Variants in PAXBP1 observed in about 807,000 individuals in gnomAD.
The protein encoded by PAXBP1 is PAX3- and PAX7-binding protein 1.
A neutral mutation model predicts 119.9 loss-of-function variants in PAXBP1; 44 were observed. That is an observed-to-expected ratio of 0.37 (90% CI 0.29 to 0.47). The LOEUF is 0.47. Ranked by LOEUF, PAXBP1 falls within the 20% of genes least tolerant of loss-of-function variation. PAXBP1 has a pLI of 0.99. For synonymous variants in PAXBP1, 393 were observed against 406.6 expected (o/e 0.97, Z 0.40); for missense variants, 898 against 1,134.1 (o/e 0.79, Z 2.99).
chr21:32,745,134 T>C (rs1420706070), intron 12 of PAXBP1, among the ~76,000 whole-genome samples: 4 of 152,162 alleles, frequency 2.6e-5, no homozygotes, highest in Non-Finnish European at 5.9e-5. Context: ...AAATAAAGAT[T>C]AGGAAAAAAG....
intron 2 of PAXBP1, among the ~76,000 whole-genome samples, chr21:32,768,719 C>T (rs901827642): frequency 5.3e-5 from 8 of 152,232 alleles, no homozygotes; most frequent in Non-Finnish European, 1.2e-4. Context: ...ATGTCACCAT[C>T]TTGGCAAGCC....
At chr21:32,770,143 T>C (rs2044310586) in intron 1 of PAXBP1, among the ~76,000 whole-genome samples, 1 of 152,204 alleles carries the variant, frequency 6.6e-6, no homozygotes, top group Admixed American at 6.5e-5. Flanking sequence ...AATGAGATTT[T>C]TGAGACTTTT....
intron 8 of PAXBP1, among the ~76,000 whole-genome samples, chr21:32,754,987 C>A (rs1371185257): frequency 6.6e-6 from 1 of 151,960 alleles, no homozygotes; most frequent in Non-Finnish European, 1.5e-5. Flanking sequence ...AAAAAATATG[C>A]CCAAAGAATA....
chr21:32,764,306 G>A, intron 3 of PAXBP1, 42 bp downstream of exon 3: 1 of 1,575,702 alleles, frequency 6.3e-7, no homozygotes, highest in South Asian at 1.2e-5. Flanking sequence ...GCCCATTCTT[G>A]AGGGTTTAGT....
chr21:32,771,533 C>T lies in PAXBP1; in HGVS notation c.136G>A (p.Gly46Ser), dbSNP rs2044353507. The T allele has an allele frequency of 1.5e-6, 2 of 1,353,760 alleles. No individual in the cohort carries two copies. Among genetic ancestry groups the T allele is most frequent in the South Asian group, 3.5e-5 (2 of 56,564 alleles). 83.9% of individuals were successfully genotyped at this position (1,353,760 alleles called of 1,614,324 possible). ...TCCCCGCCAGGGGCCCTGTCGCCGCCACCGGGGCCCGCCTCTTCGCCCGTG... is the reference window on the plus strand; with the variant it reads ...TCCCCGCCAGGGGCCCTGTCGCCGCTACCGGGGCCCGCCTCTTCGCCCGTG... ...PGTGEEAGPGGGDRAPGGESL... is the reference protein window; with the variant it reads ...PGTGEEAGPGSGDRAPGGESL... Residue 46 changes from glycine to serine, a missense_variant, in exon 1 of 18, where the codon GGC (glycine) becomes AGC (serine). This residue lies in a region of PAXBP1 where 299 missense variants were observed against 281.4 expected (regional missense o/e 1.06). Coordinates refer to ENST00000331923, the MANE Select transcript of PAXBP1 (RefSeq NM_016631.4).
chr21:32,741,071 C>A (rs1261057016), intron 15 of PAXBP1, among the ~76,000 whole-genome samples: 1 of 152,144 alleles, frequency 6.6e-6, no homozygotes, highest in African/African-American at 2.4e-5. Flanking sequence ...AAAACACTGA[C>A]AACAGCAAGT....
In PAXBP1 at chr21:32,769,328, C is replaced by T. The variant is rs146072227; in HGVS notation, c.472+486G>A. Among the ~76,000 whole-genome samples the T allele has an allele frequency of 5.5e-4, 84 of 152,034 alleles. No homozygotes were observed. The Middle Eastern group carries it at 0.01, about 18-fold the overall frequency. ...TACCTGCCTCATTATTCTAAGGAGT[C>T]TTCATCTAGTATCAGATAAGGCTGC... On this transcript the variant is annotated intron_variant, in intron 2 of 17. Coordinates refer to ENST00000331923, the MANE Select transcript of PAXBP1 (RefSeq NM_016631.4).
intron 2 of PAXBP1, among the ~76,000 whole-genome samples, chr21:32,766,520 T>C (rs1031667167): frequency 6.6e-6 from 1 of 152,212 alleles, no homozygotes; most frequent in Admixed American, 6.5e-5. Flanking sequence ...GACAGGCTTC[T>C]CTTCATCAAA....
chr21:32,771,408 G>T lies in PAXBP1; in HGVS notation c.261C>A (p.Asn87Lys), dbSNP rs1026398125. The change falls in exon 1 of 18, where the codon AAC (asparagine) becomes AAA (lysine). Residue 87 changes from asparagine to lysine, a missense_variant. Physicochemically the swap from Asn to Lys is moderately conservative, Grantham distance 94 (BLOSUM62 0). Transcript: ENST00000331923. ...GGFPGGAEPG[N>K]GLKPRKRPRE... ...GAGGCCTCTTGCGCGGCTTCAGCCC[G>T]TTGCCGGGCTCCGCGCCGCCGGGGA... The T allele has an allele frequency of 6.4e-7, 1 of 1,550,580 alleles. No homozygotes were observed. The highest frequency in any genetic ancestry group is 8.6e-7 in the Non-Finnish European group (1 of 1,158,302).
intron 15 of PAXBP1, among the ~76,000 whole-genome samples, chr21:32,740,408 G>T (rs1425774306): frequency 6.6e-6 from 1 of 152,232 alleles, no homozygotes; most frequent in African/African-American, 2.4e-5. Flanking sequence ...CTAAGGCTGT[G>T]TCACAGGTGT....
At chr21:32,738,697 G>T (rs1383992675) in intron 15 of PAXBP1, among the ~76,000 whole-genome samples, 1 of 151,950 alleles carries the variant, frequency 6.6e-6, no homozygotes, top group Non-Finnish European at 1.5e-5. Flanking sequence ...CACAAAAGAT[G>T]GGAGAGTCTG....
chr21:32,767,172 ATTATT>A (rs2044255515), intron 2 of PAXBP1, among the ~76,000 whole-genome samples: 1 of 152,226 alleles, frequency 6.6e-6, no homozygotes, highest in Non-Finnish European at 1.5e-5. Context: ...AAGAGAACTC[ATTATT>A]TTAAGAATAT....
intron 8 of PAXBP1, among the ~76,000 whole-genome samples, chr21:32,753,198 C>T (rs2043984798): frequency 6.6e-6 from 1 of 151,898 alleles, no homozygotes; most frequent in African/African-American, 2.4e-5. Flanking sequence ...GTGGCTCACG[C>T]CTGTAATCCC....
intron 17 of PAXBP1, among the ~76,000 whole-genome samples, chr21:32,735,980 T>A (rs908654856): frequency 6.6e-6 from 1 of 152,240 alleles, no homozygotes; most frequent in Non-Finnish European, 1.5e-5. Flanking sequence ...AGTTCTTTTC[T>A]GTAGAAAAGT....
rs1205395916 is a variant in PAXBP1, at chr21:32,737,385, T to C, written c.2505A>G (p.Gln835=). 6.2e-6 allele frequency: 10 copies of C among 1,603,050 alleles called. No homozygotes were observed. In the African/African-American group the frequency reaches 1.2e-4, roughly 19 times the overall value. ...AQNVINCFPK[Q]WFMNLKGERT... ...TTTCTCCTTTCAGATTCATGAACCA[T>C]TGTTTGGGGAAACAATTGATTACCT... Residue 835 remains glutamine, a synonymous_variant, in exon 17 of 18, where the codon CAA becomes CAG. Coordinates refer to ENST00000331923, the MANE Select transcript of PAXBP1 (RefSeq NM_016631.4).
At chr21:32,736,175 T>A (rs1601579077) in intron 17 of PAXBP1, among the ~76,000 whole-genome samples, 2 of 152,220 alleles carry the variant, frequency 1.3e-5, no homozygotes, top group Admixed American at 1.3e-4. Context: ...CCAAAGAATT[T>A]TACCATTAAA....
In PAXBP1 at chr21:32,736,250, G is replaced by A. The variant is rs574520637; in HGVS notation, c.2636+1004C>T. Among the ~76,000 whole-genome samples, 6 of 152,226 alleles carry A rather than the reference G, an allele frequency of 3.9e-5. No individual in the cohort carries two copies. In the South Asian group the frequency reaches 1.0e-3, roughly 26 times the overall value. Reference sequence around the variant, plus strand: ...TTTCACCAGGCTGGAATGCAGTGGCGCAATCTCAGCTCACTGCAACCTCTG... The same window carrying A: ...TTTCACCAGGCTGGAATGCAGTGGCACAATCTCAGCTCACTGCAACCTCTG... On this transcript the variant is annotated intron_variant, in intron 17 of 17. Transcript: ENST00000331923.
intron 14 of PAXBP1, 31 bp from the exon 15 acceptor site, chr21:32,743,345 T>G: frequency 1.4e-6 from 2 of 1,421,812 alleles, no homozygotes; most frequent in Non-Finnish European, 1.9e-6. Context: ...CATATCATGA[T>G]CAGATATTTT....
At chr21:32,741,866 C>A (rs979908390) in intron 15 of PAXBP1, among the ~76,000 whole-genome samples, 3 of 152,162 alleles carry the variant, frequency 2.0e-5, no homozygotes, top group East Asian at 1.9e-4. Context: ...GTTTCTGAGG[C>A]CTTCATTTTA....
Sources: allele counts gnomAD v4.1 joint callset (sites outside exome capture counted in the v4.1 genomes callset), GRCh38; gene constraint gnomAD v4.1.1; regional missense constraint gnomAD v4.1.1; transcripts MANE v1.5; gene names NCBI Gene and HGNC (gene_info 2026-07-23, HGNC 2026-07-21).